The following VPS13C variants were observed in gnomAD, a reference collection of about 807,000 sequenced individuals.
VPS13C encodes the protein intermembrane lipid transfer protein VPS13C.
A neutral mutation model predicts 456.8 loss-of-function variants in VPS13C; 358 were observed. That is an observed-to-expected ratio of 0.78 (90% confidence interval 0.72 to 0.86). The LOEUF (loss-of-function observed/expected upper bound fraction) is 0.86. Among genes scored for constraint, VPS13C ranks in the 40% least tolerant of loss-of-function variants. VPS13C has a pLI of 0.00. For missense variants in VPS13C, 4,818 were observed against 4,385.4 expected (o/e 1.10, Z -2.79); for synonymous variants, 1,578 against 1,486.7 (o/e 1.06, Z -1.41).
chr15:61,897,630 T>C (rs975025397), intron 66 of VPS13C, among the ~76,000 whole-genome samples: 1 of 152,056 alleles, frequency 6.6e-6, no homozygotes, highest in Non-Finnish European at 1.5e-5. Flanking sequence ...GTCTGATTGG[T>C]GTACCTGAAA....
At chr15:61,918,800 G>A (rs899742849) in intron 58 of VPS13C, among the ~76,000 whole-genome samples, 4 of 151,930 alleles carry the variant, frequency 2.6e-5, no homozygotes, top group Non-Finnish European at 2.9e-5. Flanking sequence ...GTAATACACA[G>A]AAAAAGAAAA....
At position 61,873,417 on chromosome 15, in the gene VPS13C, A is replaced by T; in HGVS notation, c.10415-8T>A. 2 of 1,613,144 alleles carry T rather than the reference A, an allele frequency of 1.2e-6. No homozygotes were observed. Among genetic ancestry groups the T allele is most frequent in the Non-Finnish European group, 1.7e-6 (2 of 1,179,400 alleles). On this transcript the variant is annotated splice_polypyrimidine_tract_variant and splice_region_variant and intron_variant, in intron 77 of 84. Transcript: ENST00000644861. ...CAACTCCTGCTGCACCACCTATCAA[A>T]GACAAGGGATTAATTTCTAGAATAT...
At chr15:61,977,266 T>TC in intron 23 of VPS13C, 67 bp from the exon 24 acceptor site, 1 of 921,460 alleles carries the variant, frequency 1.1e-6, no homozygotes, top group Non-Finnish European at 1.6e-6. Context: ...GGATAAATAT[T>TC]ATTTTTAATG....
In VPS13C at chr15:61,854,199, G is replaced by A; in HGVS notation, c.*258C>T. On this transcript the variant is annotated 3_prime_UTR_variant, in exon 85 of 85. Transcript: ENST00000644861. ...TTAATATTAATGAAAATTTCATTCTGAGTTTGAAGTGACGTTTCTTCAAGG... is the reference window on the plus strand; with the variant it reads ...TTAATATTAATGAAAATTTCATTCTAAGTTTGAAGTGACGTTTCTTCAAGG... 2.0e-6 allele frequency: 1 copy of A among 498,112 alleles called. No homozygotes were observed. The highest frequency in any genetic ancestry group is 3.1e-5 in the Admixed American group (1 of 31,770). 30.9% of individuals were successfully genotyped at this position (498,112 alleles called of 1,614,324 possible).
At chr15:61,866,869 T>A (rs1273587567) in intron 81 of VPS13C, 1 of 977,940 alleles carries the variant, frequency 1.0e-6, no homozygotes. Flanking sequence ...AATAGTTTCA[T>A]TCTCTTCAAA....
At position 61,864,407 on chromosome 15, in the gene VPS13C, G is replaced by A. The variant is rs546581435; in HGVS notation, c.10864-879C>T. 4.5e-5 allele frequency: 40 copies of A among 889,628 alleles called. No individual in the cohort carries two copies. The South Asian group carries it at 1.9e-3, about 43-fold the overall frequency. 55.1% of individuals were successfully genotyped at this position (889,628 alleles called of 1,614,324 possible). A position where few individuals can be genotyped will look rare whatever the true frequency, so the allele number is the denominator to read the frequency against. On this transcript the variant is annotated intron_variant, in intron 81 of 84. Transcript: ENST00000644861. ...AAAAACGAGTTTTTTTATAATGAAT[G>A]CTAATGAAATACTATTACTGACATT...
chr15:62,054,334 A>G (rs952540431), intron 1 of VPS13C, among the ~76,000 whole-genome samples: 1 of 152,238 alleles, frequency 6.6e-6, no homozygotes, highest in Admixed American at 6.5e-5. Flanking sequence ...GGCAGGTAAT[A>G]CTGTAAAAGC....
intron 66 of VPS13C, among the ~76,000 whole-genome samples, chr15:61,900,984 A>T (rs1187784072): frequency 1.3e-5 from 2 of 152,164 alleles, no homozygotes; most frequent in Admixed American, 6.5e-5. Context: ...ATCTTTGACA[A>T]ACCTGACAAA....
chr15:61,899,981 C>A (rs1383330346), intron 66 of VPS13C, among the ~76,000 whole-genome samples: 2 of 152,054 alleles, frequency 1.3e-5, no homozygotes, highest in South Asian at 2.1e-4. Context: ...TAAATGTAAT[C>A]CAGCATATAA....
chr15:61,865,076 G>T (rs2140854437), intron 81 of VPS13C: 1 of 984,818 alleles, frequency 1.0e-6, no homozygotes, highest in East Asian at 1.1e-4. Flanking sequence ...TACACTCTGA[G>T]ATTCAGATTA....
At chr15:61,998,198 C>G (rs554111676) in intron 16 of VPS13C, among the ~76,000 whole-genome samples, 7 of 152,176 alleles carry the variant, frequency 4.6e-5, no homozygotes, top group Non-Finnish European at 1.0e-4. Context: ...ATCTTTCTGG[C>G]TGATTGCCCC....
intron 44 of VPS13C, 23 bp downstream of exon 44, chr15:61,946,284 A>G: frequency 6.5e-7 from 1 of 1,535,614 alleles, no homozygotes; most frequent in Non-Finnish European, 8.8e-7. Context: ...AAATTCCAAT[A>G]TAAAAATCTA....
chr15:61,981,754 T>C (rs1395278068), intron 21 of VPS13C, among the ~76,000 whole-genome samples: 4 of 151,936 alleles, frequency 2.6e-5, no homozygotes, highest in African/African-American at 9.7e-5. Context: ...CCCCAGCTAC[T>C]TGGGAGGCTG....
intron 24 of VPS13C, 86 bp downstream of exon 24, chr15:61,976,996 C>A: frequency 1.1e-6 from 1 of 934,094 alleles, no homozygotes; most frequent in Non-Finnish European, 1.6e-6. Flanking sequence ...CCACAGAAAT[C>A]TATCTTTGCT....
At chr15:61,871,935 C>CT in intron 79 of VPS13C, 54 bp downstream of exon 79, 1 of 1,482,286 alleles carries the variant, frequency 6.7e-7, no homozygotes, top group Non-Finnish European at 9.3e-7. Context: ...ACTATGTTTA[C>CT]TAATAGCATC....
chr15:62,037,332 ATT>A (rs1330105014), intron 3 of VPS13C, among the ~76,000 whole-genome samples: 6 of 86,316 alleles, frequency 7.0e-5, no homozygotes, highest in African/African-American at 1.9e-4. Flanking sequence ...TATTATATAC[ATT>A]TATATATAAT....
At chr15:61,997,329 A>G (rs2046422226) in intron 16 of VPS13C, among the ~76,000 whole-genome samples, 1 of 152,100 alleles carries the variant, frequency 6.6e-6, no homozygotes, top group African/African-American at 2.4e-5. Flanking sequence ...GATTGTAACA[A>G]TAGAAGCTTT....
At chr15:61,969,620 C>A (rs973252410) in intron 27 of VPS13C, among the ~76,000 whole-genome samples, 168 bp from the exon 28 acceptor site, 3 of 151,988 alleles carry the variant, frequency 2.0e-5, no homozygotes, top group Non-Finnish European at 4.4e-5. Flanking sequence ...AACTTAAATT[C>A]TATTGTTGAG....
chr15:61,988,493 G>A (rs2046127634), intron 18 of VPS13C, among the ~76,000 whole-genome samples: 1 of 152,064 alleles, frequency 6.6e-6, no homozygotes, highest in Non-Finnish European at 1.5e-5. Context: ...TAGGTGAAAA[G>A]ACTCAATACT....
Sources: allele counts gnomAD v4.1 joint callset (sites outside exome capture counted in the v4.1 genomes callset), GRCh38; gene constraint gnomAD v4.1.1; transcripts MANE v1.5; gene names NCBI Gene and HGNC (gene_info 2026-07-23, HGNC 2026-07-21).